PCBP3: variants seen among roughly 807,000 people sequenced by gnomAD.
PCBP3 encodes poly(rC) binding protein 3, also known as poly(rC)-binding protein 3.
A neutral mutation model predicts 52.7 loss-of-function variants in PCBP3; 25 were observed. The ratio of observed to expected loss-of-function variants is 0.47; its 90% CI spans 0.35 to 0.66. The LOEUF (loss-of-function observed/expected upper bound fraction) is 0.66, where lower values mean the gene tolerates loss of function less well. Among genes scored for constraint, PCBP3 ranks in the 30% least tolerant of loss-of-function variants. PCBP3 has a pLI of 0.01. For synonymous variants in PCBP3, 162 were observed against 183.0 expected (o/e 0.89, Z 0.93); for missense variants, 391 against 490.3 (o/e 0.80, Z 1.91).
chr21:45,936,181 G>A (rs1429599207), intron 16 of PCBP3, among the ~76,000 whole-genome samples: 1 of 152,246 alleles, frequency 6.6e-6, no homozygotes, highest in Non-Finnish European at 1.5e-5. Context: ...AGATTTGGCA[G>A]TTCAGGGAGA....
intron 2 of PCBP3, among the ~76,000 whole-genome samples, chr21:45,716,805 G>C (rs1308101052): frequency 6.6e-6 from 1 of 152,090 alleles, no homozygotes; most frequent in Non-Finnish European, 1.5e-5. Context: ...TGAGTCTTCT[G>C]ACTTTGTTTT....
Position 45,830,028 on chromosome 21 carries a change from G to A in PCBP3, c.-125-19933G>A, listed in dbSNP as rs2093408157. The stretch of plus-strand genomic sequence containing the variant: ...GTTTGGGGCCTGCCTGCTCAGCAGG[G>A]TAGTGGCCTCCCTGGGCCTCCAAGA... On this transcript the variant is annotated intron_variant, in intron 4 of 17. Coordinates refer to ENST00000681687, the MANE Select transcript of PCBP3 (RefSeq NM_001384156.1). The surrounding 1 kb of genome is among the most constrained non-coding windows in gnomAD (Gnocchi z 4.4). 1 of 152,710 alleles carries A rather than the reference G, an allele frequency of 6.5e-6. No homozygotes were observed. The highest frequency in any genetic ancestry group is 6.5e-5 in the Admixed American group (1 of 15,290). 9.5% of individuals were successfully genotyped at this position (152,710 alleles called of 1,614,324 possible).
intron 2 of PCBP3, among the ~76,000 whole-genome samples, chr21:45,702,208 C>A (rs1367483243): frequency 6.6e-6 from 1 of 152,196 alleles, no homozygotes; most frequent in African/African-American, 2.4e-5. Flanking sequence ...TATTTTATTA[C>A]AGCCCATTGT....
chr21:45,856,987 A>G (rs1452327916), intron 5 of PCBP3, among the ~76,000 whole-genome samples: 83 of 152,340 alleles, frequency 5.4e-4, no homozygotes, highest in Non-Finnish European at 1.5e-5. Flanking sequence ...TCAGGTTAAG[A>G]TAAAGCATTG....
chr21:45,806,843 A>T (rs1419530729), intron 4 of PCBP3, among the ~76,000 whole-genome samples: 1 of 152,076 alleles, frequency 6.6e-6, no homozygotes, highest in Admixed American at 6.5e-5. Context: ...CCCTCTCCAG[A>T]TGCCGGCCTC....
chr21:45,792,310 G>A (rs2091652326), intron 4 of PCBP3, among the ~76,000 whole-genome samples: 1 of 152,290 alleles, frequency 6.6e-6, no homozygotes, highest in Admixed American at 6.5e-5. Flanking sequence ...GATGCCAGGA[G>A]GGGCGGGCTC....
At chr21:45,654,948 A>G (rs1166817035) in intron 1 of PCBP3, among the ~76,000 whole-genome samples, 2 of 152,226 alleles carry the variant, frequency 1.3e-5, no homozygotes, top group African/African-American at 4.8e-5. Context: ...TGGAAATTTC[A>G]TATGAGTGGA....
intron 4 of PCBP3, among the ~76,000 whole-genome samples, chr21:45,795,704 A>G (rs990786788): frequency 6.6e-6 from 1 of 152,248 alleles, no homozygotes; most frequent in African/African-American, 2.4e-5. Context: ...AACCAATTCA[A>G]GATAAAGTAG....
rs904739016 is a variant in PCBP3, at chr21:45,817,068, T to C, written c.-125-32893T>C. Among the ~76,000 whole-genome samples, 8 of 152,214 alleles carry C rather than the reference T, an allele frequency of 5.3e-5. No homozygotes were observed. The highest frequency in any genetic ancestry group is 1.7e-4 in the African/African-American group (7 of 41,448). The stretch of plus-strand genomic sequence containing the variant: ...TGTTGTTGCCTGAAATGCCGTTGTG[T>C]GGCACGTGACTATATATGCTACGCT... On this transcript the variant is annotated intron_variant, in intron 4 of 17. Transcript: ENST00000681687. The surrounding 1 kb of genome is among the most constrained non-coding windows in gnomAD (Gnocchi z 4.3).
In PCBP3 at chr21:45,770,358, CTT is replaced by C. The variant is rs1462044228; in HGVS notation, c.-126+14907_-126+14908del. 4.6e-5 allele frequency among the ~76,000 whole-genome samples: 7 copies of C among 152,036 alleles called. No individual in the cohort carries two copies. The East Asian group carries it at 1.2e-3, about 25-fold the overall frequency. On this transcript the variant is annotated intron_variant, in intron 4 of 17. Transcript: ENST00000681687. ...ACTATCGTTTTACAATTTTTAATCTCTTGTTTCATTGAGTTTTTCTTTTCCTT... is the reference window on the plus strand; with the variant it reads ...ACTATCGTTTTACAATTTTTAATCTCGTTTCATTGAGTTTTTCTTTTCCTT...
chr21:45,734,175 G>A (rs1445842238), intron 2 of PCBP3, among the ~76,000 whole-genome samples: 1 of 152,224 alleles, frequency 6.6e-6, no homozygotes, highest in East Asian at 1.9e-4. Context: ...TCTGCTGCCA[G>A]TGCAGTCATT....
chr21:45,910,287 A>C, intron 10 of PCBP3, among the ~76,000 whole-genome samples: 1 of 141,832 alleles, frequency 7.1e-6, no homozygotes. Flanking sequence ...CTACACTCCT[A>C]TGGGCCGTGC....
rs565338938 is a variant in PCBP3 at position 45,910,329 on chromosome 21, G to T, written c.472-573G>T. On this transcript the variant is annotated intron_variant, in intron 10 of 17. Transcript: ENST00000681687. ...CAGGGAGGAACTAGCTGGTCACATG[G>T]TTCTGGGCAAGGGAGGCCCTGGGCA... is the stretch of plus-strand genomic sequence containing the variant. 9.9e-5 allele frequency among the ~76,000 whole-genome samples: 15 copies of T among 151,648 alleles called. No homozygotes were observed. In the East Asian group the frequency reaches 2.8e-3, roughly 28 times the overall value.
chr21:45,663,462 C>G (rs2147119682), intron 1 of PCBP3, among the ~76,000 whole-genome samples: 1 of 152,252 alleles, frequency 6.6e-6, no homozygotes, highest in Non-Finnish European at 1.5e-5. Flanking sequence ...CCCACCGACC[C>G]TGTGGGGCTG....
chr21:45,775,700 A>G (rs1899073434), intron 4 of PCBP3, among the ~76,000 whole-genome samples: 1 of 152,360 alleles, frequency 6.6e-6, no homozygotes, highest in Admixed American at 6.5e-5. Context: ...GATTATAGGC[A>G]TGAACCACTG....
At chr21:45,681,035 G>A (rs947558743) in intron 2 of PCBP3, among the ~76,000 whole-genome samples, 4 of 152,118 alleles carry the variant, frequency 2.6e-5, no homozygotes, top group Admixed American at 1.3e-4. Context: ...CAAATGCTGC[G>A]TCCTTACATG....
At chr21:45,921,919 A>G (rs1271127471) in intron 13 of PCBP3, among the ~76,000 whole-genome samples, 1 of 152,136 alleles carries the variant, frequency 6.6e-6, no homozygotes, top group Non-Finnish European at 1.5e-5. Context: ...CTCGAGGCTT[A>G]CTGTGCTCTG....
intron 4 of PCBP3, among the ~76,000 whole-genome samples, chr21:45,810,930 A>G (rs970582150): frequency 1.3e-5 from 2 of 152,226 alleles, no homozygotes; most frequent in Non-Finnish European, 2.9e-5. Context: ...AAACTGATAC[A>G]TATGTTGGTG....
At chr21:45,718,565 C>A (rs1200424080) in intron 2 of PCBP3, among the ~76,000 whole-genome samples, 1 of 152,094 alleles carries the variant, frequency 6.6e-6, no homozygotes, top group African/African-American at 2.4e-5. Flanking sequence ...GGCTTGGATG[C>A]AGCTCGGGGG....
Sources: allele counts gnomAD v4.1 joint callset (sites outside exome capture counted in the v4.1 genomes callset), GRCh38; gene constraint gnomAD v4.1.1; non-coding constraint Gnocchi (gnomAD v3.1); transcripts MANE v1.5; gene names NCBI Gene and HGNC (gene_info 2026-07-23, HGNC 2026-07-21).